Variants in PCSK2 observed in about 807,000 individuals in gnomAD.
The protein encoded by PCSK2 is proprotein convertase subtilisin/kexin type 2.
A neutral mutation model predicts 69.7 loss-of-function variants in PCSK2; 14 were observed. That is an observed-to-expected ratio of 0.20 (90% CI 0.13 to 0.31). The LOEUF (loss-of-function observed/expected upper bound fraction) is 0.31. Among genes scored for constraint, PCSK2 ranks in the 10% least tolerant of loss-of-function variants. The pLI, the probability that PCSK2 is intolerant of heterozygous loss-of-function variation, is 1.00. For missense variants in PCSK2, 544 were observed against 842.5 expected (o/e 0.65, Z 4.39); for synonymous variants, 307 against 320.7 (o/e 0.96, Z 0.46).
chr20:17,382,850 A>G (rs73257649), intron 5 of PCSK2, among the ~76,000 whole-genome samples: 9,829 of 152,188 alleles, frequency 0.065, 392 homozygotes, highest in African/African-American at 0.11. Context: ...CTCACGATGA[A>G]CCAGACTCTA....
intron 8 of PCSK2, among the ~76,000 whole-genome samples, chr20:17,448,346 G>A (rs1034340697): frequency 2.0e-5 from 3 of 152,168 alleles, no homozygotes; most frequent in Non-Finnish European, 2.9e-5. Flanking sequence ...TAGGCAATGC[G>A]CTGGGGACAC....
At chr20:17,272,859 G>T (rs1048097535) in intron 2 of PCSK2, among the ~76,000 whole-genome samples, 4 of 152,096 alleles carry the variant, frequency 2.6e-5, no homozygotes, top group African/African-American at 7.2e-5. Context: ...GAATCTGGTT[G>T]ATTTGTGTGT....
chr20:17,348,466 C>G (rs2029880810), intron 2 of PCSK2, among the ~76,000 whole-genome samples: 1 of 152,216 alleles, frequency 6.6e-6, no homozygotes, highest in South Asian at 2.1e-4. Context: ...TGCACCATCA[C>G]TTTTGATCCT....
upstream of PCSK2, among the ~76,000 whole-genome samples, chr20:17,226,558 GT>G (rs1170066607): frequency 6.6e-6 from 1 of 150,766 alleles, no homozygotes; most frequent in Non-Finnish European, 1.5e-5. Context: ...AGAGAGAGGT[GT>G]TTTTGCAGCG....
At chr20:17,399,600 G>T (rs1277687328) in intron 5 of PCSK2, among the ~76,000 whole-genome samples, 9 of 152,098 alleles carry the variant, frequency 5.9e-5, no homozygotes, top group Non-Finnish European at 1.2e-4. Context: ...TAAAGCCATG[G>T]GGGCACTTAG....
chr20:17,393,967 T>G (rs1476588396), intron 5 of PCSK2, among the ~76,000 whole-genome samples: 1 of 152,216 alleles, frequency 6.6e-6, no homozygotes, highest in African/African-American at 2.4e-5. Context: ...ATGCTTGTGT[T>G]GCTCTACCGA....
At chr20:17,272,946 A>G (rs954278477) in intron 2 of PCSK2, among the ~76,000 whole-genome samples, 12 of 152,122 alleles carry the variant, frequency 7.9e-5, no homozygotes, top group African/African-American at 2.9e-4. Flanking sequence ...TAAAAGTACC[A>G]GACCAACATG....
chr20:17,472,881 G>A (rs1409047408), intron 11 of PCSK2, among the ~76,000 whole-genome samples: 1 of 152,114 alleles, frequency 6.6e-6, no homozygotes, highest in Non-Finnish European at 1.5e-5. Context: ...TTATCTTACA[G>A]TTGAAGATTC....
chr20:17,338,929 A>G (rs943067404), intron 2 of PCSK2, among the ~76,000 whole-genome samples: 1 of 152,222 alleles, frequency 6.6e-6, no homozygotes, highest in South Asian at 2.1e-4. Context: ...AAAATTCAAG[A>G]TAGAACTCTT....
intron 2 of PCSK2, among the ~76,000 whole-genome samples, chr20:17,298,965 T>A (rs1289347324): frequency 6.6e-6 from 1 of 152,230 alleles, no homozygotes. Context: ...GCAATACTTT[T>A]ATGCATTTTA....
intron 6 of PCSK2, among the ~76,000 whole-genome samples, chr20:17,417,216 CTT>C (rs1197672250): frequency 3.9e-5 from 6 of 152,234 alleles, no homozygotes; most frequent in African/African-American, 1.4e-4. Flanking sequence ...AAGGAAATGT[CTT>C]CTCTCTTAAA....
At chr20:17,321,750 C>A (rs888968373) in intron 2 of PCSK2, among the ~76,000 whole-genome samples, 11 of 152,110 alleles carry the variant, frequency 7.2e-5, no homozygotes, top group African/African-American at 2.7e-4. Flanking sequence ...ATGAAAAAAC[C>A]TTTGACTAAC....
chr20:17,332,559 C>T (rs1353758617), intron 2 of PCSK2, among the ~76,000 whole-genome samples: 2 of 152,132 alleles, frequency 1.3e-5, no homozygotes, highest in Non-Finnish European at 2.9e-5. Context: ...AATTGTGTCC[C>T]CTGAACCAGC....
chr20:17,253,384 C>T (rs1049331656), intron 1 of PCSK2, among the ~76,000 whole-genome samples: 2 of 152,104 alleles, frequency 1.3e-5, no homozygotes, highest in Non-Finnish European at 2.9e-5. Flanking sequence ...CCTCTCAGCC[C>T]CAGGCAACCA....
chr20:17,404,054 T>C (rs2031701236), intron 5 of PCSK2, among the ~76,000 whole-genome samples: 1 of 152,220 alleles, frequency 6.6e-6, no homozygotes, highest in Non-Finnish European at 1.5e-5. Flanking sequence ...GCAGCCCCTC[T>C]GGGCTGACCA....
At chr20:17,287,609 C>T (rs767761397) in intron 2 of PCSK2, among the ~76,000 whole-genome samples, 1 of 152,190 alleles carries the variant, frequency 6.6e-6, no homozygotes, top group Non-Finnish European at 1.5e-5. Context: ...AGTGGCTAAG[C>T]ATCCACTTAT....
intron 2 of PCSK2, among the ~76,000 whole-genome samples, chr20:17,291,140 T>TAA (rs58332398): frequency 0.074 from 10,909 of 147,276 alleles, 451 homozygotes; most frequent in East Asian, 0.11. Flanking sequence ...GTGTGAAGTT[T>TAA]AAAAAAAAAA....
intron 1 of PCSK2, among the ~76,000 whole-genome samples, chr20:17,255,965 A>G (rs1038512674): frequency 2.0e-5 from 3 of 152,168 alleles, no homozygotes; most frequent in Admixed American, 1.3e-4. Flanking sequence ...AGGGTGACAC[A>G]GGCCTCAATG....
intron 5 of PCSK2, among the ~76,000 whole-genome samples, chr20:17,378,677 TTAGA>T (rs2031004235): frequency 6.8e-6 from 1 of 147,808 alleles, no homozygotes; most frequent in Non-Finnish European, 1.5e-5. Flanking sequence ...GGATGGATGG[TTAGA>T]TGGATGGATA....
Sources: allele counts gnomAD v4.1 joint callset (sites outside exome capture counted in the v4.1 genomes callset), GRCh38; gene constraint gnomAD v4.1.1; transcripts MANE v1.5; gene names NCBI Gene and HGNC (gene_info 2026-07-23, HGNC 2026-07-21).